Variants in BRINP3 observed in about 807,000 individuals in gnomAD.
The protein encoded by BRINP3 is BMP/retinoic acid-inducible neural-specific protein 3.
Under a neutral mutation model 71.0 loss-of-function variants are expected in BRINP3, and 19 were observed. The ratio of observed to expected loss-of-function variants is 0.27; its 90% CI spans 0.19 to 0.39. BRINP3 has a LOEUF of 0.39. Ranked by LOEUF, BRINP3 falls within the 10% of genes least tolerant of loss-of-function variation. BRINP3 has a pLI of 1.00. For synonymous variants in BRINP3, 380 were observed against 337.7 expected, an observed-to-expected ratio of 1.13 and a Z score of -1.37; for missense variants, 959 against 940.8, an observed-to-expected ratio of 1.02 and a Z score of -0.25.
At chr1:190,353,634 G>A (rs1390885699) in intron 2 of BRINP3, among the ~76,000 whole-genome samples, 1 of 151,966 alleles carries the variant, frequency 6.6e-6, no homozygotes, top group Non-Finnish European at 1.5e-5. Context: ...GTGTATGTAT[G>A]TATATTTTGG....
At chr1:190,149,284 G>A (rs920937168) in intron 7 of BRINP3, among the ~76,000 whole-genome samples, 1 of 152,168 alleles carries the variant, frequency 6.6e-6, no homozygotes, top group Non-Finnish European at 1.5e-5. Context: ...TCCACTGCAT[G>A]TCTCTTCTGC....
intron 7 of BRINP3, among the ~76,000 whole-genome samples, chr1:190,119,719 GCAA>G (rs1653471804): frequency 6.6e-6 from 1 of 152,194 alleles, no homozygotes; most frequent in Admixed American, 6.5e-5. Flanking sequence ...AACAGGAAAG[GCAA>G]CAATGATGAG....
chr1:190,339,449 C>G (rs1667513385), intron 2 of BRINP3, among the ~76,000 whole-genome samples: 1 of 151,862 alleles, frequency 6.6e-6, no homozygotes, highest in Non-Finnish European at 1.5e-5. Flanking sequence ...GAGTTAATGA[C>G]CTAGAAGAAA....
At chr1:190,459,609 T>A (rs950911623) in intron 1 of BRINP3, among the ~76,000 whole-genome samples, 2 of 152,004 alleles carry the variant, frequency 1.3e-5, no homozygotes, top group South Asian at 4.1e-4. Flanking sequence ...TATCCACAAC[T>A]GAATTAGATG....
At chr1:190,163,107 G>A (rs1169360931) in intron 6 of BRINP3, among the ~76,000 whole-genome samples, 3 of 151,774 alleles carry the variant, frequency 2.0e-5, no homozygotes, top group Non-Finnish European at 4.4e-5. Flanking sequence ...TTTATTGTTG[G>A]CAATTAGTAA....
At chr1:190,248,632 A>T (rs1659834737) in intron 4 of BRINP3, among the ~76,000 whole-genome samples, 2 of 151,624 alleles carry the variant, frequency 1.3e-5, no homozygotes, top group South Asian at 2.1e-4. Flanking sequence ...CTAAACTAGG[A>T]TATCAATTTT....
intron 1 of BRINP3, among the ~76,000 whole-genome samples, chr1:190,469,904 C>T (rs2102702904): frequency 6.6e-6 from 1 of 151,118 alleles, no homozygotes. Flanking sequence ...GCTTTAATGG[C>T]TAAATTTAGT....
intron 4 of BRINP3, among the ~76,000 whole-genome samples, chr1:190,257,757 G>A (rs925689254): frequency 6.6e-6 from 1 of 152,172 alleles, no homozygotes; most frequent in Non-Finnish European, 1.5e-5. Context: ...GTCTGTTGGG[G>A]TTTGCTCGGA....
At chr1:190,141,818 A>G (rs1482482371) in intron 7 of BRINP3, among the ~76,000 whole-genome samples, 1 of 151,954 alleles carries the variant, frequency 6.6e-6, no homozygotes, top group African/African-American at 2.4e-5. Context: ...ACGGCCTCCA[A>G]AAGTGTTGGG....
chr1:190,470,042 G>A (rs1480952979), intron 1 of BRINP3, among the ~76,000 whole-genome samples: 1 of 150,984 alleles, frequency 6.6e-6, no homozygotes, highest in Non-Finnish European at 1.5e-5. Context: ...TAACATTGTA[G>A]TTATATACTG....
intron 2 of BRINP3, among the ~76,000 whole-genome samples, chr1:190,370,185 G>A (rs145767588): frequency 3.3e-5 from 5 of 152,028 alleles, no homozygotes; most frequent in Non-Finnish European, 7.4e-5. Flanking sequence ...ACATACACAA[G>A]CACAATTTTG....
intron 6 of BRINP3, among the ~76,000 whole-genome samples, chr1:190,185,400 A>C (rs911997211): frequency 2.0e-5 from 3 of 152,158 alleles, no homozygotes; most frequent in Admixed American, 2.0e-4. Flanking sequence ...ACAATGAGAT[A>C]ACATTTCACA....
At chr1:190,150,567 G>A (rs769984495) in intron 7 of BRINP3, among the ~76,000 whole-genome samples, 28 of 152,168 alleles carry the variant, frequency 1.8e-4, no homozygotes, top group Non-Finnish European at 3.5e-4. Context: ...TGTTTAGTAC[G>A]ACATCTTATT....
chr1:190,306,443 A>C (rs2103012632), intron 2 of BRINP3, among the ~76,000 whole-genome samples: 1 of 151,998 alleles, frequency 6.6e-6, no homozygotes, highest in African/African-American at 2.4e-5. Context: ...GTTTTAGAGA[A>C]AATAAAACTA....
At chr1:190,421,548 G>T (rs1673386180) in intron 2 of BRINP3, among the ~76,000 whole-genome samples, 1 of 151,480 alleles carries the variant, frequency 6.6e-6, no homozygotes, top group Admixed American at 6.6e-5. Context: ...GAAAGTAATT[G>T]ATTCCCTATG....
At chr1:190,257,897 C>T (rs1173403977) in intron 4 of BRINP3, among the ~76,000 whole-genome samples, 1 of 152,146 alleles carries the variant, frequency 6.6e-6, no homozygotes, top group Admixed American at 6.5e-5. Context: ...TGTCAGTTGG[C>T]CTCTACTGGG....
intron 6 of BRINP3, among the ~76,000 whole-genome samples, chr1:190,219,857 A>ATAC (rs1656721353): frequency 6.6e-6 from 1 of 150,880 alleles, no homozygotes; most frequent in Admixed American, 6.6e-5. Context: ...AATAATAATA[A>ATAC]TAATAATAAA....
chr1:190,274,751 C>T (rs1662403087), intron 3 of BRINP3, among the ~76,000 whole-genome samples: 1 of 151,486 alleles, frequency 6.6e-6, no homozygotes. Flanking sequence ...GTTAAAGGTA[C>T]ACAGCCTGGT....
chr1:190,205,856 C>T (rs1655448575), intron 6 of BRINP3, among the ~76,000 whole-genome samples: 1 of 151,932 alleles, frequency 6.6e-6, no homozygotes, highest in Non-Finnish European at 1.5e-5. Context: ...ATAGAGGTAC[C>T]ATGGGCCTCT....
Sources: gnomAD v4.1 joint callset for allele counts (sites outside exome capture counted in the v4.1 genomes callset) on GRCh38, gnomAD v4.1.1 for gene constraint, MANE v1.5 for transcripts, NCBI Gene and HGNC (gene_info 2026-07-23, HGNC 2026-07-21) for gene names.